Variants in METTL15 observed in about 807,000 individuals in gnomAD.
METTL15 encodes the protein 12S rRNA N(4)-cytidine methyltransferase METTL15.
In METTL15, 34 loss-of-function variants were observed where a neutral mutation model predicts 38.3. The observed-to-expected ratio is 0.89, with a 90% CI of 0.68 to 1.18. The LOEUF (loss-of-function observed/expected upper bound fraction) is 1.18, where lower values mean the gene tolerates loss of function less well. Ranked by LOEUF, METTL15 falls within the 50% of genes most tolerant of loss-of-function variation. METTL15 has a pLI of 0.00. For synonymous variants in METTL15, 162 were observed against 170.9 expected (o/e 0.95, Z 0.41); for missense variants, 438 against 498.4 (o/e 0.88, Z 1.15).
At chr11:28,248,170 A>C (rs922037355) in intron 4 of METTL15, among the ~76,000 whole-genome samples, 1 of 152,066 alleles carries the variant, frequency 6.6e-6, no homozygotes, top group Non-Finnish European at 1.5e-5. Flanking sequence ...CATTAATGAT[A>C]TGGTCCCTGT....
At chr11:28,173,087 TA>T (rs918587001) in intron 3 of METTL15, among the ~76,000 whole-genome samples, 17 of 152,108 alleles carry the variant, frequency 1.1e-4, no homozygotes, top group African/African-American at 3.6e-4. Flanking sequence ...ATTTATTTTT[TA>T]AAAAAAGAGA....
intron 4 of METTL15, among the ~76,000 whole-genome samples, chr11:28,235,217 T>C (rs1214380742): frequency 6.6e-6 from 1 of 151,936 alleles, no homozygotes; most frequent in Admixed American, 6.5e-5. Flanking sequence ...AGCCTTGTAG[T>C]ATAGTTTGAA....
chr11:28,423,520 C>A (rs1850839148), intron 5 of METTL15, among the ~76,000 whole-genome samples: 1 of 151,886 alleles, frequency 6.6e-6, no homozygotes. Flanking sequence ...ATTATTCAAC[C>A]ATAAAAAATA....
intron 6 of METTL15, among the ~76,000 whole-genome samples, chr11:28,300,451 T>G (rs1341691199): frequency 6.6e-6 from 1 of 152,156 alleles, no homozygotes; most frequent in East Asian, 1.9e-4. Flanking sequence ...ATTAAGCTGT[T>G]AATTGTAAAA....
At chr11:28,375,502 C>T (rs145811633) in intron 5 of METTL15, among the ~76,000 whole-genome samples, 61,097 of 151,168 alleles carry the variant, frequency 0.4, 14,132 homozygotes, top group Admixed American at 0.52. Flanking sequence ...TCTGTGGGAT[C>T]GGTGGTAATA....
At chr11:28,169,439 G>A (rs1850774386) in intron 3 of METTL15, among the ~76,000 whole-genome samples, 3 of 151,904 alleles carry the variant, frequency 2.0e-5, no homozygotes, top group South Asian at 2.1e-4. Context: ...AATTATATTA[G>A]AAATTAAAAG....
intron 3 of METTL15, among the ~76,000 whole-genome samples, chr11:28,196,897 G>A (rs183467141): frequency 5.9e-4 from 89 of 151,874 alleles, no homozygotes; most frequent in Non-Finnish European, 6.9e-4. Flanking sequence ...TCAATTCATC[G>A]TCCCTCCATG....
At chr11:28,325,586 A>C (rs909040818) in intron 6 of METTL15, among the ~76,000 whole-genome samples, 1 of 152,170 alleles carries the variant, frequency 6.6e-6, no homozygotes, top group Non-Finnish European at 1.5e-5. Context: ...CTTTTCAACA[A>C]ACATTTATTG....
chr11:28,159,106 T>C (rs1385873212), intron 3 of METTL15, among the ~76,000 whole-genome samples: 1 of 152,086 alleles, frequency 6.6e-6, no homozygotes, highest in Non-Finnish European at 1.5e-5. Context: ...GAGGGAGGAA[T>C]GCTGCCACCA....
intron 6 of METTL15, among the ~76,000 whole-genome samples, chr11:28,315,769 C>T (rs936807152): frequency 2.6e-4 from 40 of 152,214 alleles, no homozygotes; most frequent in African/African-American, 9.2e-4. Context: ...CCCTGCGTTC[C>T]AGCCACTCTA....
At chr11:28,109,165 T>C (rs1851611144) in intron 1 of METTL15, among the ~76,000 whole-genome samples, 1 of 152,252 alleles carries the variant, frequency 6.6e-6, no homozygotes, top group Non-Finnish European at 1.5e-5. Flanking sequence ...CTCTGTATTA[T>C]GGACATTTAT....
At chr11:28,479,057 TTGTG>T (rs71050961) in intron 6 of METTL15, among the ~76,000 whole-genome samples, 40,018 of 146,588 alleles carry the variant, frequency 0.27, 5,242 homozygotes, top group African/African-American at 0.31. Flanking sequence ...TTATTTCTCT[TTGTG>T]TGTGTGTGTG....
intron 3 of METTL15, among the ~76,000 whole-genome samples, chr11:28,180,875 T>C (rs2133782430): frequency 6.6e-6 from 1 of 151,926 alleles, no homozygotes; most frequent in South Asian, 2.1e-4. Context: ...AAGTGTTTGT[T>C]ATCAGTTTAT....
intron 4 of METTL15, among the ~76,000 whole-genome samples, chr11:28,221,191 G>T (rs1853199180): frequency 6.6e-6 from 1 of 152,056 alleles, no homozygotes; most frequent in Non-Finnish European, 1.5e-5. Context: ...ATCACTTTCA[G>T]GTACACCAAT....
At chr11:28,166,088 G>C (rs1322538729) in intron 3 of METTL15, among the ~76,000 whole-genome samples, 3 of 152,030 alleles carry the variant, frequency 2.0e-5, no homozygotes, top group African/African-American at 7.2e-5. Flanking sequence ...TTCCAACTTT[G>C]TTATTTTTGC....
chr11:28,153,194 A>G (rs534194019), intron 3 of METTL15, among the ~76,000 whole-genome samples: 13 of 152,052 alleles, frequency 8.5e-5, no homozygotes, highest in East Asian at 1.9e-4. Flanking sequence ...GTGACTTACA[A>G]TGTCTAACCT....
intron 5 of METTL15, among the ~76,000 whole-genome samples, chr11:28,387,837 A>G (rs1302629738): frequency 2.0e-5 from 3 of 152,132 alleles, no homozygotes; most frequent in African/African-American, 7.2e-5. Flanking sequence ...TAGTCCTGCA[A>G]TGCAAATATC....
Position 28,408,400 on chromosome 11 carries a change from C to T in METTL15, c.*359-15899C>T, listed in dbSNP as rs189335322. The stretch of plus-strand genomic sequence containing the variant: ...AAACCACCTCTGTTTCTATTTCAAG[C>T]TTTTCTCTCTCAGTTATACTGGCTT... On this transcript the variant is annotated intron_variant and NMD_transcript_variant, in intron 5 of 7. Coordinates refer to the METTL15 transcript ENST00000532947. 5.3e-5 allele frequency among the ~76,000 whole-genome samples: 8 copies of T among 152,248 alleles called. No homozygotes were observed. In the East Asian group the frequency reaches 1.5e-3, roughly 29 times the overall value.
intron 3 of METTL15, among the ~76,000 whole-genome samples, chr11:28,178,696 C>A (rs1260050161): frequency 6.6e-6 from 1 of 151,694 alleles, no homozygotes; most frequent in Non-Finnish European, 1.5e-5. Context: ...TTAATAGTCC[C>A]ATTTTTCAAA....
Sources: allele counts gnomAD v4.1 joint callset (sites outside exome capture counted in the v4.1 genomes callset), GRCh38; gene constraint gnomAD v4.1.1; transcripts MANE v1.5; gene names NCBI Gene and HGNC (gene_info 2026-07-23, HGNC 2026-07-21).